DNAJB6: variants seen among roughly 807,000 people sequenced by gnomAD.
DNAJB6 encodes the protein dnaJ homolog subfamily B member 6.
In DNAJB6, 16 loss-of-function variants were observed where a neutral mutation model predicts 42.7. The observed-to-expected ratio is 0.37, with a 90% confidence interval of 0.25 to 0.57. The LOEUF (loss-of-function observed/expected upper bound fraction) is 0.57. Ranked by LOEUF, DNAJB6 falls within the 20% of genes least tolerant of loss-of-function variation. The probability of loss-of-function intolerance (pLI) is 0.74; values close to 1 mark genes in which losing one functional copy is unlikely to be tolerated. For synonymous variants in DNAJB6, 170 were observed against 163.5 expected (o/e 1.04, Z -0.30); for missense variants, 347 against 416.8 (o/e 0.83, Z 1.46).
At chr7:157,369,197 A>G in intron 5 of DNAJB6, 15 of 443,382 alleles carry the variant, frequency 3.4e-5, no homozygotes, top group South Asian at 2.4e-4. Flanking sequence ...CCATCAGCAG[A>G]AACAGAGCTC....
At chr7:157,403,214 A>G (rs958054016) in intron 8 of DNAJB6, among the ~76,000 whole-genome samples, 1 of 152,044 alleles carries the variant, frequency 6.6e-6, no homozygotes, top group Non-Finnish European at 1.5e-5. Flanking sequence ...CACATATGAG[A>G]GGGGGTAGGG....
chr7:157,394,012 T>C (rs1210655790), intron 8 of DNAJB6, among the ~76,000 whole-genome samples: 1 of 152,250 alleles, frequency 6.6e-6, no homozygotes, highest in Admixed American at 6.5e-5. Context: ...TTTCCAAGTG[T>C]TTTCCTGTTG....
At chr7:157,389,965 T>C (rs1346624434) in intron 8 of DNAJB6, among the ~76,000 whole-genome samples, 1 of 152,208 alleles carries the variant, frequency 6.6e-6, no homozygotes. Context: ...GCTTTGCCCT[T>C]TTCCCTGTAC....
chr7:157,413,521 A>C lies in DNAJB6; in HGVS notation c.899-2495A>C, dbSNP rs1250413935. ...TTCAAGTCCTTAAACTTGATAAGAAAACTTAAGTCGTTTTCTATCAGGACA... is the reference window on the plus strand; with the variant it reads ...TTCAAGTCCTTAAACTTGATAAGAACACTTAAGTCGTTTTCTATCAGGACA... On this transcript the variant is annotated intron_variant, in intron 9 of 9. Coordinates refer to ENST00000262177, the MANE Select transcript of DNAJB6 (RefSeq NM_058246.4). 2.0e-5 allele frequency: 3 copies of C among 152,146 alleles called. No homozygotes were observed. In the East Asian group the frequency reaches 5.8e-4, roughly 29 times the overall value. The allele number at this position is 152,146 out of a possible 1,614,324, so 9.4% of individuals were successfully genotyped here. A position where few individuals can be genotyped will look rare whatever the true frequency, so the allele number is the denominator to read the frequency against.
rs796741029 is a variant in DNAJB6, at chr7:157,342,991, C to CTT, written c.-27+5857_-27+5858dup. Among the ~76,000 whole-genome samples the CTT allele has an allele frequency of 5.4e-3, 765 of 141,486 alleles. 9 individuals carry two copies. The highest frequency in any genetic ancestry group is 0.018 in the African/African-American group (706 of 38,840). 92.8% of individuals were successfully genotyped at this position (141,486 alleles called of 152,430 possible). A position where few individuals can be genotyped will look rare whatever the true frequency, so the allele number is the denominator to read the frequency against. On this transcript the variant is annotated intron_variant, in intron 1 of 9. Transcript: ENST00000262177. ...CCTGTCTGTACTTTTTTTGTTTTTG[C>CTT]TTTTTTTTTTTGTTGTTTGAGACCA...
At chr7:157,407,305 G>T (rs539954101) in intron 8 of DNAJB6, among the ~76,000 whole-genome samples, 2 of 152,350 alleles carry the variant, frequency 1.3e-5, no homozygotes, top group East Asian at 3.9e-4. Flanking sequence ...AGGCAGGGGC[G>T]GCTCTTCTGG....
intron 7 of DNAJB6, 118 bp from the exon 8 acceptor site, chr7:157,385,423 A>G (rs1801003061): frequency 9.1e-7 from 1 of 1,104,358 alleles, no homozygotes; most frequent in Non-Finnish European, 1.3e-6. Context: ...ATGTTTTTAC[A>G]GCCTGAAAAT....
At chr7:157,399,549 G>A (rs116326261) in intron 8 of DNAJB6, among the ~76,000 whole-genome samples, 6,435 of 152,334 alleles carry the variant, frequency 0.042, 138 homozygotes, top group Middle Eastern at 0.061. Flanking sequence ...GCAGTCGGCC[G>A]GGCCCTGCAG....
At chr7:157,369,636 C>T (rs1229427877) in intron 5 of DNAJB6, among the ~76,000 whole-genome samples, 2 of 150,290 alleles carry the variant, frequency 1.3e-5, no homozygotes, top group African/African-American at 2.5e-5. Flanking sequence ...TTAAAGAGGC[C>T]CTTTCTTCAC....
intron 8 of DNAJB6, among the ~76,000 whole-genome samples, chr7:157,403,143 G>A (rs1486669807): frequency 6.6e-6 from 1 of 152,172 alleles, no homozygotes; most frequent in Non-Finnish European, 1.5e-5. Context: ...GGTCATAGGT[G>A]GATAAGACGA....
chr7:157,353,329 G>A (rs55814092), intron 1 of DNAJB6, among the ~76,000 whole-genome samples: 5,680 of 152,170 alleles, frequency 0.037, 390 homozygotes, highest in African/African-American at 0.13. Context: ...TGTAAAGATA[G>A]TACAGGGATT....
chr7:157,409,783 C>T lies in DNAJB6; in HGVS notation c.692-12C>T, dbSNP rs1795905072. On this transcript the variant is annotated splice_polypyrimidine_tract_variant and intron_variant, in intron 8 of 9. Transcript: ENST00000262177. ...CTCACTCACGGCTCTCTCTCTCCCG[C>T]TGTGCCTGCAGGTGTGGCCGACGAC... 5 of 1,519,100 alleles carry T rather than the reference C, an allele frequency of 3.3e-6. No individual in the cohort carries two copies. Among genetic ancestry groups the T allele is most frequent in the Non-Finnish European group, 3.5e-6 (4 of 1,135,904 alleles). 94.1% of individuals were successfully genotyped at this position (1,519,100 alleles called of 1,614,324 possible).
chr7:157,396,472 C>T (rs370112438), intron 8 of DNAJB6, among the ~76,000 whole-genome samples: 8 of 152,178 alleles, frequency 5.3e-5, no homozygotes, highest in East Asian at 3.9e-4. Context: ...CTTTCTCTGC[C>T]TCCAGCAAAG....
chr7:157,340,320 A>T (rs145665035), intron 1 of DNAJB6, among the ~76,000 whole-genome samples: 68 of 152,348 alleles, frequency 4.5e-4, no homozygotes, highest in African/African-American at 1.6e-3. Flanking sequence ...GGGTAACTGC[A>T]GGCTCATTAG....
At chr7:157,382,500 G>C in intron 6 of DNAJB6, 123 bp downstream of exon 6, 1 of 1,116,268 alleles carries the variant, frequency 9.0e-7, no homozygotes, top group Non-Finnish European at 1.2e-6. Context: ...TAGCATTGTG[G>C]ATTTGCCAGC....
intron 8 of DNAJB6, among the ~76,000 whole-genome samples, chr7:157,391,423 C>T (rs575083481): frequency 2.0e-5 from 3 of 152,368 alleles, no homozygotes; most frequent in Non-Finnish European, 4.4e-5. Flanking sequence ...TCAGCCGTAT[C>T]TTTCCGTGTC....
At chr7:157,363,330 G>T in intron 3 of DNAJB6, 60 bp downstream of exon 3, 1 of 1,141,914 alleles carries the variant, frequency 8.8e-7, no homozygotes, top group Non-Finnish European at 1.3e-6. Context: ...CGGAGTGGGT[G>T]TTGGGATCCT....
chr7:157,379,871 G>T (rs1443700045), intron 5 of DNAJB6: 1 of 148,606 alleles, frequency 6.7e-6, no homozygotes, highest in Non-Finnish European at 1.5e-5. Context: ...GAGTGCTGTG[G>T]TGTGATCTTA....
chr7:157,399,149 C>T (rs1234785578), intron 8 of DNAJB6, among the ~76,000 whole-genome samples: 2 of 152,196 alleles, frequency 1.3e-5, no homozygotes, highest in Admixed American at 6.5e-5. Flanking sequence ...AGAAGTTCCG[C>T]TGACAAGTTT....
Sources: allele counts gnomAD v4.1 joint callset (sites outside exome capture counted in the v4.1 genomes callset), GRCh38; gene constraint gnomAD v4.1.1; transcripts MANE v1.5; gene names NCBI Gene and HGNC (gene_info 2026-07-23, HGNC 2026-07-21).